Variants in CEP128 observed in about 807,000 individuals in gnomAD.
CEP128 encodes centrosomal protein 128kDa.
In CEP128, 132 loss-of-function variants were observed where a neutral mutation model predicts 156.7. The ratio of observed to expected loss-of-function variants is 0.84; its 90% confidence interval spans 0.73 to 0.97. The LOEUF is 0.97. Ranked by LOEUF, CEP128 falls within the 50% of genes least tolerant of loss-of-function variation. CEP128 has a pLI of 0.00. For missense variants in CEP128, 1,252 were observed against 1,281.9 expected (o/e 0.98, Z 0.36); for synonymous variants, 469 against 448.9 (o/e 1.04, Z -0.57).
chr14:80,840,674 A>C lies in CEP128; in HGVS notation c.849+8T>G. The C allele has an allele frequency of 6.4e-7, 1 of 1,568,616 alleles. No individual in the cohort carries two copies. Among genetic ancestry groups the C allele is most frequent in the Non-Finnish European group, 8.8e-7 (1 of 1,140,618 alleles). ...TTATTCTTTGAAAGATAACTTTTAA[A>C]ATCTTACTTGATTCTTCTCAGTTTC... On this transcript the variant is annotated splice_region_variant and intron_variant, in intron 10 of 24. Transcript: ENST00000555265.
intron 20 of CEP128, among the ~76,000 whole-genome samples, chr14:80,566,786 C>CT (rs1890927219): frequency 6.6e-6 from 1 of 151,828 alleles, no homozygotes; most frequent in Admixed American, 6.6e-5. Context: ...ATTCATTTCA[C>CT]TGGCTGCTTA....
At chr14:80,781,069 C>A (rs902708750) in intron 15 of CEP128, among the ~76,000 whole-genome samples, 4 of 152,210 alleles carry the variant, frequency 2.6e-5, no homozygotes, top group Non-Finnish European at 5.9e-5. Context: ...CAGAATTCTT[C>A]TTCCTGCAGA....
At chr14:80,663,169 T>C (rs551097609) in intron 19 of CEP128, among the ~76,000 whole-genome samples, 2 of 152,274 alleles carry the variant, frequency 1.3e-5, no homozygotes, top group Admixed American at 1.3e-4. Flanking sequence ...CTCTAGGATA[T>C]TGTCAGCCTC....
intron 19 of CEP128, among the ~76,000 whole-genome samples, chr14:80,729,818 C>T (rs1898196165): frequency 6.6e-6 from 1 of 152,076 alleles, no homozygotes; most frequent in East Asian, 1.9e-4. Flanking sequence ...TCCTTTCCTC[C>T]CTTAACAAAC....
chr14:80,810,470 T>C (rs556112550), intron 13 of CEP128, among the ~76,000 whole-genome samples: 4 of 152,108 alleles, frequency 2.6e-5, no homozygotes, highest in Middle Eastern at 3.4e-3. Context: ...ATTGACTGAA[T>C]GGATTTTTAA....
At chr14:80,860,894 G>A (rs1358742948) in intron 9 of CEP128, among the ~76,000 whole-genome samples, 1 of 151,896 alleles carries the variant, frequency 6.6e-6, no homozygotes, top group Non-Finnish European at 1.5e-5. Flanking sequence ...TGTATTTTTA[G>A]AACTCTTAGA....
intron 23 of CEP128, among the ~76,000 whole-genome samples, chr14:80,519,298 T>A (rs1332801097): frequency 2.0e-5 from 3 of 152,236 alleles, no homozygotes; most frequent in Admixed American, 6.5e-5. Context: ...AATTGGTTTT[T>A]AAAAAGCTGT....
chr14:80,633,803 G>A (rs1280452204), intron 19 of CEP128, among the ~76,000 whole-genome samples: 2 of 152,134 alleles, frequency 1.3e-5, no homozygotes, highest in African/African-American at 4.8e-5. Flanking sequence ...CCTGTTTCTA[G>A]TTAAAATAAA....
intron 20 of CEP128, among the ~76,000 whole-genome samples, chr14:80,560,661 A>G (rs1481467174): frequency 6.6e-6 from 1 of 152,084 alleles, no homozygotes; most frequent in South Asian, 2.1e-4. Flanking sequence ...GGTGGGCACA[A>G]TCTAATCAGC....
intron 16 of CEP128, 83 bp from the exon 17 acceptor site, chr14:80,761,696 AG>A: frequency 2.1e-6 from 2 of 972,050 alleles, no homozygotes; most frequent in Non-Finnish European, 3.0e-6. Context: ...TCAACCAACT[AG>A]AAGTGGATTT....
In CEP128 at chr14:80,832,182, C is replaced by T. The variant is rs557390001; in HGVS notation, c.1058-888G>A. On this transcript the variant is annotated intron_variant, in intron 12 of 24. Coordinates refer to ENST00000555265, the MANE Select transcript of CEP128 (RefSeq NM_152446.5). ...CATGATTGTGAGGCCTCTCCAGCCA[C>T]GTGGAACTGTGAGTCCATTAAACCT... 1.4e-4 allele frequency among the ~76,000 whole-genome samples: 22 copies of T among 152,262 alleles called. No homozygotes were observed. In the East Asian group the frequency reaches 3.5e-3, roughly 24 times the overall value.
At chr14:80,832,431 A>G (rs1885856011) in intron 12 of CEP128, among the ~76,000 whole-genome samples, 1 of 152,210 alleles carries the variant, frequency 6.6e-6, no homozygotes, top group African/African-American at 2.4e-5. Context: ...ACACTAACAA[A>G]TTAAATTTAT....
chr14:80,766,146 T>C (rs916922038), intron 16 of CEP128, among the ~76,000 whole-genome samples: 21 of 152,170 alleles, frequency 1.4e-4, no homozygotes, highest in African/African-American at 5.1e-4. Context: ...GAAGTACCTG[T>C]GTACACATAA....
At chr14:80,891,732 G>A (rs1263747749) in intron 8 of CEP128, among the ~76,000 whole-genome samples, 1 of 151,930 alleles carries the variant, frequency 6.6e-6, no homozygotes, top group African/African-American at 2.4e-5. Flanking sequence ...AATGCTTGAG[G>A]TGATAGATAC....
intron 19 of CEP128, among the ~76,000 whole-genome samples, chr14:80,662,066 C>T (rs368120291): frequency 1.3e-5 from 2 of 152,182 alleles, no homozygotes; most frequent in East Asian, 3.9e-4. Context: ...CAGATACGAG[C>T]AACATGATCT....
At chr14:80,778,578 T>C (rs959454443) in intron 15 of CEP128, among the ~76,000 whole-genome samples, 5 of 152,160 alleles carry the variant, frequency 3.3e-5, no homozygotes, top group Non-Finnish European at 5.9e-5. Context: ...ACTACTCTTA[T>C]GGGGCTAAAA....
chr14:80,903,300 A>G (rs867564121), intron 6 of CEP128, among the ~76,000 whole-genome samples: 15 of 152,158 alleles, frequency 9.9e-5, no homozygotes, highest in African/African-American at 7.2e-5. Context: ...AACTGCATAT[A>G]CATGCTAAAT....
chr14:80,806,842 G>A lies in CEP128; in HGVS notation c.1210-13732C>T, dbSNP rs533988905. Reference sequence around the variant, plus strand: ...TCTGAAATATAAAACAAATATTGAGGGAGAGAAACTAAATATAACACAACA... The same window carrying A: ...TCTGAAATATAAAACAAATATTGAGAGAGAGAAACTAAATATAACACAACA... On this transcript the variant is annotated intron_variant, in intron 13 of 24. Coordinates refer to ENST00000555265, the MANE Select transcript of CEP128 (RefSeq NM_152446.5). Among the ~76,000 whole-genome samples the A allele has an allele frequency of 2.6e-5, 4 of 152,182 alleles. No individual in the cohort carries two copies. The East Asian group carries it at 7.7e-4, about 29-fold the overall frequency.
At chr14:80,720,042 G>T (rs971927698) in intron 19 of CEP128, among the ~76,000 whole-genome samples, 1 of 152,108 alleles carries the variant, frequency 6.6e-6, no homozygotes, top group Non-Finnish European at 1.5e-5. Context: ...TCCCTCCGAG[G>T]AGGTGACATT....
Sources: gnomAD v4.1 joint callset for allele counts (sites outside exome capture counted in the v4.1 genomes callset) on GRCh38, gnomAD v4.1.1 for gene constraint, MANE v1.5 for transcripts, NCBI Gene and HGNC (gene_info 2026-07-23, HGNC 2026-07-21) for gene names.